The following SLC25A48 variants were observed in gnomAD, a reference collection of about 807,000 sequenced individuals.
SLC25A48 encodes solute carrier family 25 member 48.
Under a neutral mutation model 32.2 loss-of-function variants are expected in SLC25A48, and 29 were observed. The ratio of observed to expected loss-of-function variants is 0.90; its 90% CI spans 0.67 to 1.23. The LOEUF is 1.23. Among genes scored for constraint, SLC25A48 ranks in the 50% most tolerant of loss-of-function variants. SLC25A48 has a pLI of 0.00. For missense variants in SLC25A48, 399 were observed against 422.7 expected (o/e 0.94, Z 0.49); for synonymous variants, 164 against 172.3 (o/e 0.95, Z 0.38).
At chr5:135,727,234 A>G (rs1207574809) in intron 3 of SLC25A48, among the ~76,000 whole-genome samples, 1 of 150,902 alleles carries the variant, frequency 6.6e-6, no homozygotes, top group Non-Finnish European at 1.5e-5. Context: ...ATATAGATAT[A>G]TATGTATGTG....
chr5:135,808,270 T>C (rs1347477812), intron 3 of SLC25A48, among the ~76,000 whole-genome samples: 1 of 150,604 alleles, frequency 6.6e-6, no homozygotes, highest in Non-Finnish European at 1.5e-5. Context: ...TTTAGATATT[T>C]TATTAACATA....
intron 3 of SLC25A48, among the ~76,000 whole-genome samples, chr5:135,661,442 T>G (rs902463063): frequency 2.0e-5 from 3 of 152,208 alleles, no homozygotes; most frequent in African/African-American, 7.2e-5. Context: ...GTTGCCATGG[T>G]TCCCAGACCT....
intron 3 of SLC25A48, among the ~76,000 whole-genome samples, chr5:135,676,680 A>G (rs781500952): frequency 6.6e-6 from 1 of 151,994 alleles, no homozygotes; most frequent in Non-Finnish European, 1.5e-5. Flanking sequence ...ATTTGTTTCA[A>G]GAAATTATTT....
At chr5:135,704,389 C>A (rs1484112958) in intron 3 of SLC25A48, among the ~76,000 whole-genome samples, 2 of 152,188 alleles carry the variant, frequency 1.3e-5, no homozygotes, top group East Asian at 1.9e-4. Flanking sequence ...AGCATAGATA[C>A]TTTTGTTAAA....
chr5:135,698,333 T>G (rs1029474433), intron 3 of SLC25A48, among the ~76,000 whole-genome samples: 1 of 152,196 alleles, frequency 6.6e-6, no homozygotes, highest in African/African-American at 2.4e-5. Flanking sequence ...AGCTTTTTCT[T>G]TGGCTGGTGG....
chr5:135,809,493 T>C (rs988152648), intron 3 of SLC25A48, among the ~76,000 whole-genome samples: 6 of 152,196 alleles, frequency 3.9e-5, no homozygotes, highest in African/African-American at 1.2e-4. Context: ...ATCAGGTTTA[T>C]TGAAGTATAA....
chr5:135,725,997 T>C (rs9327727), intron 3 of SLC25A48, among the ~76,000 whole-genome samples: 116,018 of 152,144 alleles, frequency 0.76, 44,815 homozygotes, highest in Middle Eastern at 0.87. Flanking sequence ...TGCGCCTACT[T>C]ATTGGCTGGT....
At chr5:135,705,258 G>A (rs963647172) in intron 3 of SLC25A48, among the ~76,000 whole-genome samples, 8 of 152,320 alleles carry the variant, frequency 5.3e-5, no homozygotes, top group African/African-American at 1.2e-4. Context: ...CTAGCTCAGC[G>A]CGGAGCAAGC....
intron 3 of SLC25A48, among the ~76,000 whole-genome samples, chr5:135,777,552 A>T (rs933798344): frequency 2.2e-4 from 34 of 151,454 alleles, no homozygotes; most frequent in African/African-American, 7.3e-4. Context: ...GATTTTTTTT[A>T]ATATTTAGAA....
At chr5:135,683,951 T>C (rs145764277) in intron 3 of SLC25A48, among the ~76,000 whole-genome samples, 102 of 152,298 alleles carry the variant, frequency 6.7e-4, no homozygotes, top group African/African-American at 2.0e-3. Flanking sequence ...TCTGGTTTCA[T>C]TGCTGTGATT....
intron 1 of SLC25A48, among the ~76,000 whole-genome samples, chr5:135,611,668 C>T (rs900815588): frequency 7.9e-5 from 12 of 152,058 alleles, no homozygotes; most frequent in Admixed American, 1.3e-4. Flanking sequence ...GCTGAGACTG[C>T]ACCTCTGCAC....
intron 3 of SLC25A48, among the ~76,000 whole-genome samples, chr5:135,671,949 G>A (rs1277407028): frequency 7.0e-6 from 1 of 142,622 alleles, no homozygotes; most frequent in Non-Finnish European, 1.5e-5. Context: ...TTTAAGAGAA[G>A]CCCCCAATCC....
chr5:135,859,393 C>T (rs899260764), intron 4 of SLC25A48, among the ~76,000 whole-genome samples: 1 of 152,136 alleles, frequency 6.6e-6, no homozygotes, highest in African/African-American at 2.4e-5. Context: ...GACCCCACCC[C>T]CATGATTCAA....
At chr5:135,775,165 T>C (rs562461091) in intron 3 of SLC25A48, among the ~76,000 whole-genome samples, 2 of 151,906 alleles carry the variant, frequency 1.3e-5, no homozygotes, top group East Asian at 3.9e-4. Flanking sequence ...GAAAAGAGGA[T>C]GATATTACTC....
At chr5:135,677,476 T>G (rs1300349750) in intron 3 of SLC25A48, among the ~76,000 whole-genome samples, 1 of 152,144 alleles carries the variant, frequency 6.6e-6, no homozygotes, top group African/African-American at 2.4e-5. Flanking sequence ...TATCATATTG[T>G]TAATTGTTGT....
chr5:135,668,135 G>A (rs969668675), intron 3 of SLC25A48, among the ~76,000 whole-genome samples: 1 of 152,166 alleles, frequency 6.6e-6, no homozygotes, highest in African/African-American at 2.4e-5. Flanking sequence ...AAGCAATCAT[G>A]AATGGTGGTT....
chr5:135,670,774 A>G (rs1580771977), intron 3 of SLC25A48, among the ~76,000 whole-genome samples: 2 of 152,124 alleles, frequency 1.3e-5, no homozygotes, highest in African/African-American at 4.8e-5. Flanking sequence ...ATGGAAGCAG[A>G]CGCTCTTTGC....
At chr5:135,623,623 C>A (rs79080321) in intron 1 of SLC25A48, among the ~76,000 whole-genome samples, 1 of 152,194 alleles carries the variant, frequency 6.6e-6, no homozygotes, top group Non-Finnish European at 1.5e-5. Flanking sequence ...TCTATAAACA[C>A]GTTCCCCATT....
intron 3 of SLC25A48, among the ~76,000 whole-genome samples, chr5:135,737,725 G>A (rs1189147918): frequency 2.6e-5 from 4 of 152,184 alleles, no homozygotes; most frequent in Non-Finnish European, 4.4e-5. Context: ...AACAGGGCTA[G>A]TATTCATCTT....
Sources: allele counts gnomAD v4.1 joint callset (sites outside exome capture counted in the v4.1 genomes callset), GRCh38; gene constraint gnomAD v4.1.1; transcripts MANE v1.5; gene names NCBI Gene and HGNC (gene_info 2026-07-23, HGNC 2026-07-21).